The following VPS54 variants were observed in gnomAD, a reference collection of about 807,000 sequenced individuals.
The protein encoded by VPS54 is VPS54 subunit of GARP complex.
Under a neutral mutation model 121.5 loss-of-function variants are expected in VPS54, and 45 were observed. That is an observed-to-expected ratio of 0.37 (90% confidence interval 0.29 to 0.47). The LOEUF is 0.47. Among genes scored for constraint, VPS54 ranks in the 20% least tolerant of loss-of-function variants. The pLI is 0.99. For synonymous variants in VPS54, 371 were observed against 385.8 expected (o/e 0.96, Z 0.45); for missense variants, 1,090 against 1,131.4 (o/e 0.96, Z 0.52).
chr2:63,972,271 A>T, intron 3 of VPS54, 27 bp from the exon 4 acceptor site: 1 of 1,511,356 alleles, frequency 6.6e-7, no homozygotes, highest in South Asian at 1.2e-5. Context: ...TAACATCATC[A>T]ATGTATGTGT....
intron 1 of VPS54, among the ~76,000 whole-genome samples, chr2:64,002,357 T>G (rs553559523): frequency 6.6e-6 from 1 of 152,352 alleles, no homozygotes; most frequent in African/African-American, 2.4e-5. Flanking sequence ...GGTGTGTAGT[T>G]GTTAAATTTG....
chr2:63,956,363 T>A (rs1444195097), intron 7 of VPS54, among the ~76,000 whole-genome samples: 1 of 152,104 alleles, frequency 6.6e-6, no homozygotes, highest in African/African-American at 2.4e-5. Flanking sequence ...TATAATAAAC[T>A]GAGTGTTTTG....
At position 63,947,616 on chromosome 2, in the gene VPS54, A is replaced by T. The variant is rs781447624; in HGVS notation, c.1138-126T>A. The T allele has an allele frequency of 9.0e-5, 78 of 862,048 alleles. 1 individual carries two copies. The South Asian group carries it at 1.6e-3, about 17-fold the overall frequency. The allele number at this position is 862,048 out of a possible 1,614,324, so 53.4% of individuals were successfully genotyped here. On this transcript the variant is annotated intron_variant, in intron 8 of 22. Coordinates refer to ENST00000272322, the MANE Select transcript of VPS54 (RefSeq NM_016516.3). ...CTCTATCCTGCACAAAGTATTTTCT[A>T]GCAGCCTGAAAACCCCTCCCACAGC...
At chr2:63,900,750 T>C (rs1021781283) in intron 20 of VPS54, among the ~76,000 whole-genome samples, 11 of 144,906 alleles carry the variant, frequency 7.6e-5, no homozygotes, top group African/African-American at 2.2e-4. Flanking sequence ...ATCTCAAATC[T>C]GGTTTTTTTT....
Position 63,899,494 on chromosome 2 carries a change from G to A in VPS54, c.2713C>T (p.Leu905Phe). Residue 905 changes from leucine to phenylalanine, a missense_variant, in exon 21 of 23, where the codon CTT (leucine) becomes TTT (phenylalanine). This residue lies in a region of VPS54 where 289 missense variants were observed against 374.4 expected (regional missense o/e 0.77). Coordinates refer to ENST00000272322, the MANE Select transcript of VPS54 (RefSeq NM_016516.3). Reference sequence around the variant, plus strand: ...CTCACCTGTGTTTGTTCTTCTGGAAGGAGATCAAATATAGCTTCGTGCATT... The same window carrying A: ...CTCACCTGTGTTTGTTCTTCTGGAAAGAGATCAAATATAGCTTCGTGCATT... ...TKMHEAIFDL[L>F]PEEQTQMLFL... The A allele has an allele frequency of 1.2e-6, 2 of 1,613,654 alleles. No homozygotes were observed. The highest frequency in any genetic ancestry group is 8.5e-7 in the Non-Finnish European group (1 of 1,179,846).
chr2:63,981,220 T>C (rs190798700), intron 3 of VPS54, among the ~76,000 whole-genome samples: 119 of 152,264 alleles, frequency 7.8e-4, no homozygotes, highest in South Asian at 1.7e-3. Context: ...TAAAGTAATA[T>C]ATTAAGTTAT....
At chr2:63,933,646 C>A in intron 12 of VPS54, 27 bp downstream of exon 12, 1 of 1,581,686 alleles carries the variant, frequency 6.3e-7, no homozygotes, top group South Asian at 1.1e-5. Context: ...AAAATCTTGT[C>A]AATTTGGCAG....
intron 12 of VPS54, among the ~76,000 whole-genome samples, chr2:63,932,059 G>C (rs1674234733): frequency 6.6e-6 from 1 of 152,198 alleles, no homozygotes; most frequent in African/African-American, 2.4e-5. Context: ...CTGTTGGTGG[G>C]AGTGTTAATT....
At chr2:63,894,408 T>C (rs536992951) in intron 22 of VPS54, among the ~76,000 whole-genome samples, 2 of 152,188 alleles carry the variant, frequency 1.3e-5, no homozygotes, top group Non-Finnish European at 2.9e-5. Context: ...AATTTATCTA[T>C]GGCTGATTCA....
chr2:63,992,033 C>T (rs1677345219), intron 1 of VPS54, among the ~76,000 whole-genome samples: 1 of 152,216 alleles, frequency 6.6e-6, no homozygotes, highest in African/African-American at 2.4e-5. Flanking sequence ...GTAGGGCATC[C>T]ACCTCTGCTA....
intron 6 of VPS54, among the ~76,000 whole-genome samples, chr2:63,963,159 T>G (rs972268222): frequency 6.6e-6 from 1 of 152,116 alleles, no homozygotes; most frequent in African/African-American, 2.4e-5. Context: ...CTGCTTATTT[T>G]ACATTTCAAA....
intron 10 of VPS54, among the ~76,000 whole-genome samples, 154 bp downstream of exon 10, chr2:63,944,446 C>T (rs1288229252): frequency 6.6e-6 from 1 of 152,200 alleles, no homozygotes; most frequent in Non-Finnish European, 1.5e-5. Context: ...CTGTTAAGCA[C>T]TGTCTTCGTT....
chr2:63,999,844 T>C (rs951893177), intron 1 of VPS54, among the ~76,000 whole-genome samples: 8 of 151,988 alleles, frequency 5.3e-5, no homozygotes, highest in Non-Finnish European at 1.2e-4. Context: ...TCACTAACTC[T>C]TTCTTCTGCT....
At chr2:63,904,617 C>T (rs928102439) in intron 20 of VPS54, among the ~76,000 whole-genome samples, 5 of 152,094 alleles carry the variant, frequency 3.3e-5, no homozygotes, top group Admixed American at 6.6e-5. Context: ...CTTCAGTGCT[C>T]ATCTCTCAGT....
chr2:63,971,866 A>C (rs1676297608), intron 4 of VPS54, among the ~76,000 whole-genome samples: 2 of 152,146 alleles, frequency 1.3e-5, no homozygotes, highest in South Asian at 4.1e-4. Flanking sequence ...TCAGCCTCCC[A>C]AGTAGTTGGG....
chr2:63,909,725 G>GTTTTTGTTTTTTTTTTTTTTTTTTT (rs747731456), intron 20 of VPS54, among the ~76,000 whole-genome samples: 1 of 115,250 alleles, frequency 8.7e-6, no homozygotes. Context: ...GCCGTTTTTG[G>GTTTTTGTTTTTTTTTTTTTTTTTTT]TTTTTTTTTT....
chr2:63,997,618 T>A (rs977138276), intron 1 of VPS54, among the ~76,000 whole-genome samples: 1 of 152,004 alleles, frequency 6.6e-6, no homozygotes, highest in African/African-American at 2.4e-5. Context: ...CAGTTTTTGT[T>A]TTGTTTTGTT....
intron 20 of VPS54, among the ~76,000 whole-genome samples, chr2:63,904,365 G>C (rs1672814668): frequency 6.8e-6 from 1 of 147,718 alleles, no homozygotes; most frequent in Non-Finnish European, 1.5e-5. Context: ...CTTGAACCTG[G>C]GAGGCATAGG....
In VPS54 at chr2:64,005,089, C is replaced by CTTTTTTTTTTTTTTTT. The variant is rs764515091; in HGVS notation, c.-21+13833_-21+13848dup. On this transcript the variant is annotated intron_variant, in intron 1 of 22. Coordinates refer to ENST00000272322, the MANE Select transcript of VPS54 (RefSeq NM_016516.3). ...TACCATGCCCAGTCTACTATTGCTT[C>CTTTTTTTTTTTTTTTT]TTTTTTTTTTTTTTTTTTTTTTTTT... is the stretch of plus-strand genomic sequence containing the variant. Among the ~76,000 whole-genome samples, 18 of 44,128 alleles carry CTTTTTTTTTTTTTTTT rather than the reference C, an allele frequency of 4.1e-4. 2 individuals carry two copies. Among genetic ancestry groups the CTTTTTTTTTTTTTTTT allele is most frequent in the African/African-American group, 7.6e-4 (8 of 10,540 alleles). The allele number at this position is 44,128 out of a possible 152,430, so 28.9% of individuals were successfully genotyped here. A position where few individuals can be genotyped will look rare whatever the true frequency, so the allele number is the denominator to read the frequency against.
Sources: gnomAD v4.1 joint callset for allele counts (sites outside exome capture counted in the v4.1 genomes callset) on GRCh38, gnomAD v4.1.1 for gene constraint, gnomAD v4.1.1 regional missense constraint, MANE v1.5 for transcripts, NCBI Gene and HGNC (gene_info 2026-07-23, HGNC 2026-07-21) for gene names.